The following TMEM62 variants were observed in gnomAD, a reference collection of about 807,000 sequenced individuals.
The protein encoded by TMEM62 is transmembrane protein 62.
A neutral mutation model predicts 70.4 loss-of-function variants in TMEM62; 41 were observed. The observed-to-expected ratio is 0.58, with a 90% CI of 0.45 to 0.76. TMEM62 has a LOEUF of 0.76. TMEM62 is among the 30% of genes least tolerant of loss of function. TMEM62 has a pLI of 0.00. For missense variants in TMEM62, 688 were observed against 788.5 expected, an observed-to-expected ratio of 0.87 and a Z score of 1.53; for synonymous variants, 268 against 291.0, an observed-to-expected ratio of 0.92 and a Z score of 0.80.
At chr15:43,144,875 T>C (rs2036466512) in intron 4 of TMEM62, among the ~76,000 whole-genome samples, 1 of 152,124 alleles carries the variant, frequency 6.6e-6, no homozygotes, top group South Asian at 2.1e-4. Context: ...AATAGTCACT[T>C]TAAAGTTTCT....
intron 4 of TMEM62, among the ~76,000 whole-genome samples, chr15:43,141,478 A>G (rs1382571202): frequency 6.6e-6 from 1 of 152,238 alleles, no homozygotes; most frequent in Non-Finnish European, 1.5e-5. Context: ...TATTCCCTTC[A>G]AAATATCAAT....
intron 5 of TMEM62, among the ~76,000 whole-genome samples, chr15:43,147,156 G>A (rs2036783518): frequency 6.6e-6 from 1 of 152,094 alleles, no homozygotes; most frequent in Non-Finnish European, 1.5e-5. Context: ...TAGAAAGGGG[G>A]TTTCGCCATG....
rs1470128474 is a variant in TMEM62, at chr15:43,175,936, A to C, written c.1382-2671A>C. 3.3e-5 allele frequency among the ~76,000 whole-genome samples: 5 copies of C among 152,292 alleles called. No individual in the cohort carries two copies. The East Asian group carries it at 9.7e-4, about 29-fold the overall frequency. ...GGGAGTTCCCTTTCCTAGTCAAAGA[A>C]AGGGGTAACAGAGGGCACCTGGACA... is the stretch of plus-strand genomic sequence containing the variant. On this transcript the variant is annotated intron_variant, in intron 11 of 13. Transcript: ENST00000260403.
At chr15:43,167,631 C>T (rs958208856) in intron 10 of TMEM62, among the ~76,000 whole-genome samples, 1 of 151,752 alleles carries the variant, frequency 6.6e-6, no homozygotes, top group South Asian at 2.1e-4. Flanking sequence ...ACGCTCCTCA[C>T]TTTCCAGACT....
intron 11 of TMEM62, among the ~76,000 whole-genome samples, chr15:43,177,984 A>G (rs1368736166): frequency 3.3e-5 from 5 of 151,920 alleles, no homozygotes; most frequent in African/African-American, 1.2e-4. Flanking sequence ...GTACCCTAAA[A>G]CTTAAAGTAT....
intron 11 of TMEM62, among the ~76,000 whole-genome samples, chr15:43,170,951 G>T (rs766235088): frequency 3.3e-5 from 5 of 152,142 alleles, no homozygotes; most frequent in Non-Finnish European, 7.4e-5. Flanking sequence ...AAGTTATATC[G>T]GAGGAAAACA....
intron 3 of TMEM62, among the ~76,000 whole-genome samples, chr15:43,138,205 G>C (rs748196387): frequency 6.6e-6 from 1 of 152,148 alleles, no homozygotes. Context: ...TAGCCATACT[G>C]GTTCTAGGAG....
chr15:43,156,613 T>G (rs905593836), intron 9 of TMEM62, among the ~76,000 whole-genome samples: 2 of 152,172 alleles, frequency 1.3e-5, no homozygotes, highest in African/African-American at 4.8e-5. Flanking sequence ...ATACAACTTC[T>G]GTAGTTTTAT....
intron 10 of TMEM62, among the ~76,000 whole-genome samples, chr15:43,168,173 C>A (rs1000176170): frequency 1.6e-5 from 1 of 62,188 alleles, no homozygotes; most frequent in Non-Finnish European, 3.1e-5. Context: ...GAGAGGGAGA[C>A]GGAGACGGAG....
Position 43,171,229 on chromosome 15 carries a change from G to A in TMEM62, c.1381+1552G>A, listed in dbSNP as rs886551421. On this transcript the variant is annotated intron_variant, in intron 11 of 13. Transcript: ENST00000260403. Reference sequence around the variant, plus strand: ...CACACACCTGTAGTCCTAGCTACTCGGGAGGCTGAGGCATGAGAATTGCTT... The same window carrying A: ...CACACACCTGTAGTCCTAGCTACTCAGGAGGCTGAGGCATGAGAATTGCTT... Among the ~76,000 whole-genome samples the A allele has an allele frequency of 5.9e-5, 9 of 151,874 alleles. 1 individual carries two copies. The South Asian group carries it at 6.2e-4, about 11-fold the overall frequency.
chr15:43,145,143 A>G (rs1179781932), intron 4 of TMEM62, among the ~76,000 whole-genome samples: 1 of 150,836 alleles, frequency 6.6e-6, no homozygotes. Flanking sequence ...AACTGAACAT[A>G]AAATAAGCAA....
intron 11 of TMEM62, among the ~76,000 whole-genome samples, chr15:43,171,162 C>T (rs970908390): frequency 8.6e-5 from 13 of 152,032 alleles, no homozygotes; most frequent in Non-Finnish European, 1.6e-4. Context: ...ATGGTGAAAC[C>T]TCATCTCCAC....
At chr15:43,162,535 G>A (rs949595499) in intron 10 of TMEM62, among the ~76,000 whole-genome samples, 2 of 151,636 alleles carry the variant, frequency 1.3e-5, no homozygotes, top group South Asian at 4.2e-4. Context: ...GGGTTCAAGT[G>A]ATTCTCTTAC....
At chr15:43,134,091 T>C (rs2034817651) in intron 1 of TMEM62, 109 bp downstream of exon 1, 1 of 1,438,090 alleles carries the variant, frequency 7.0e-7, no homozygotes, top group South Asian at 1.4e-5. Context: ...CTCAGTCAGA[T>C]TGTAACTCGA....
intron 3 of TMEM62, 24 bp from the exon 4 acceptor site, chr15:43,138,550 G>GT: frequency 7.5e-7 from 1 of 1,332,190 alleles, no homozygotes; most frequent in Non-Finnish European, 1.1e-6. Context: ...ATGAATGTTT[G>GT]CTTTTTTTTT....
chr15:43,160,670 G>A lies in TMEM62; in HGVS notation c.1183-11G>A. On this transcript the variant is annotated splice_polypyrimidine_tract_variant and intron_variant, in intron 9 of 13. Coordinates refer to ENST00000260403, the MANE Select transcript of TMEM62 (RefSeq NM_024956.4). ...ACATGAAAGTTACTTTTCTTCTGTG[G>A]TTATTACTAGGATTCTGCTGGAAGA... is the stretch of plus-strand genomic sequence containing the variant. 1 of 1,485,136 alleles carries A rather than the reference G, an allele frequency of 6.7e-7. No homozygotes were observed. The highest frequency in any genetic ancestry group is 9.3e-7 in the Non-Finnish European group (1 of 1,073,112). 92.0% of individuals were successfully genotyped at this position (1,485,136 alleles called of 1,614,324 possible).
chr15:43,143,524 G>T (rs949100561), intron 4 of TMEM62, among the ~76,000 whole-genome samples: 2 of 152,088 alleles, frequency 1.3e-5, no homozygotes, highest in African/African-American at 4.8e-5. Flanking sequence ...TTCCACACGG[G>T]CTTAAAAAAT....
At chr15:43,157,552 T>C (rs1245653026) in intron 9 of TMEM62, among the ~76,000 whole-genome samples, 4 of 152,122 alleles carry the variant, frequency 2.6e-5, no homozygotes, top group African/African-American at 9.7e-5. Context: ...TTTTTTATAA[T>C]GGGAAAATTT....
chr15:43,167,870 C>G (rs981795603), intron 10 of TMEM62, among the ~76,000 whole-genome samples: 2 of 152,166 alleles, frequency 1.3e-5, no homozygotes, highest in Middle Eastern at 3.2e-3. Context: ...GTCTGCAATC[C>G]CGGCACCTCG....
Sources: allele counts gnomAD v4.1 joint callset (sites outside exome capture counted in the v4.1 genomes callset), GRCh38; gene constraint gnomAD v4.1.1; transcripts MANE v1.5; gene names NCBI Gene and HGNC (gene_info 2026-07-23, HGNC 2026-07-21).